The following PDE3B variants were observed in gnomAD, a reference collection of about 807,000 sequenced individuals.
PDE3B encodes the protein cGMP-inhibited 3',5'-cyclic phosphodiesterase 3B.
Under a neutral mutation model 116.8 loss-of-function variants are expected in PDE3B, and 66 were observed. The observed-to-expected ratio is 0.56, with a 90% confidence interval of 0.46 to 0.69. The LOEUF (loss-of-function observed/expected upper bound fraction) is 0.69. PDE3B is among the 30% of genes least tolerant of loss of function. The pLI, the probability that PDE3B is intolerant of heterozygous loss-of-function variation, is 0.00. For missense variants in PDE3B, 1,384 were observed against 1,368.1 expected, an observed-to-expected ratio of 1.01 and a Z score of -0.18; for synonymous variants, 595 against 533.6, an observed-to-expected ratio of 1.12 and a Z score of -1.59.
intron 7 of PDE3B, among the ~76,000 whole-genome samples, chr11:14,828,666 G>T (rs1193217628): frequency 6.6e-6 from 1 of 152,198 alleles, no homozygotes; most frequent in African/African-American, 2.4e-5. Context: ...AATAACAGAT[G>T]CTGGCGATGT....
intron 1 of PDE3B, among the ~76,000 whole-genome samples, chr11:14,687,422 A>G (rs1854908943): frequency 6.6e-6 from 1 of 152,186 alleles, no homozygotes; most frequent in Admixed American, 6.6e-5. Flanking sequence ...AAAGCTGAGA[A>G]ATATTTAAGT....
the PDE3B span, chr11:14,886,143 C>A: frequency 1.8e-6 from 1 of 545,102 alleles, no homozygotes; most frequent in South Asian, 2.0e-5. Flanking sequence ...ACAGTCTTAC[C>A]AACAGTATAA....
intron 1 of PDE3B, among the ~76,000 whole-genome samples, chr11:14,684,691 C>T (rs1854815651): frequency 6.6e-6 from 1 of 152,142 alleles, no homozygotes; most frequent in Admixed American, 6.5e-5. Flanking sequence ...AAGACACTTG[C>T]AGAGCAGCGT....
intron 1 of PDE3B, among the ~76,000 whole-genome samples, chr11:14,754,409 C>G (rs146425877): frequency 1.3e-5 from 2 of 152,102 alleles, no homozygotes; most frequent in African/African-American, 4.8e-5. Flanking sequence ...TATGTAAGCT[C>G]TCATGTGTAT....
At chr11:14,703,870 G>A (rs1476582942) in intron 1 of PDE3B, among the ~76,000 whole-genome samples, 1 of 151,490 alleles carries the variant, frequency 6.6e-6, no homozygotes, top group African/African-American at 2.4e-5. Context: ...GTCTGTTAGT[G>A]GTAAGTTCTT....
chr11:14,886,159 A>C, the PDE3B span: 1 of 514,474 alleles, frequency 1.9e-6, no homozygotes, highest in Non-Finnish European at 3.5e-6. Flanking sequence ...TATAATGAAA[A>C]GGGTACTGGA....
intron 4 of PDE3B, among the ~76,000 whole-genome samples, chr11:14,792,168 GC>G (rs1334999316): frequency 6.6e-6 from 1 of 152,054 alleles, no homozygotes; most frequent in East Asian, 1.9e-4. Context: ...TGACAGAGCT[GC>G]AGCCCTTACT....
intron 14 of PDE3B, among the ~76,000 whole-genome samples, chr11:14,866,293 C>G (rs1848044783): frequency 6.6e-6 from 1 of 152,206 alleles, no homozygotes; most frequent in Non-Finnish European, 1.5e-5. Flanking sequence ...CTGATATCCT[C>G]CCACTTATGA....
chr11:14,796,640 A>G (rs1858563967), intron 4 of PDE3B, among the ~76,000 whole-genome samples: 1 of 152,076 alleles, frequency 6.6e-6, no homozygotes, highest in African/African-American at 2.4e-5. Flanking sequence ...CATTTTTCAT[A>G]TGTTTGTTGG....
intron 1 of PDE3B, among the ~76,000 whole-genome samples, chr11:14,746,585 G>A (rs1856916605): frequency 1.3e-5 from 2 of 152,160 alleles, no homozygotes; most frequent in South Asian, 4.1e-4. Context: ...TTTAAAAGCT[G>A]AGGATATAAA....
At chr11:14,765,658 G>A (rs1446088551) in intron 1 of PDE3B, among the ~76,000 whole-genome samples, 1 of 151,286 alleles carries the variant, frequency 6.6e-6, no homozygotes, top group Non-Finnish European at 1.5e-5. Context: ...TAGCACAGAA[G>A]GAAAGAGGTA....
chr11:14,860,077 T>G (rs1430780049), intron 13 of PDE3B, among the ~76,000 whole-genome samples: 5 of 152,188 alleles, frequency 3.3e-5, no homozygotes, highest in African/African-American at 1.2e-4. Flanking sequence ...GTTGCTGTCA[T>G]GACATTAATG....
chr11:14,742,091 A>G (rs771909441), intron 1 of PDE3B, among the ~76,000 whole-genome samples: 1 of 151,806 alleles, frequency 6.6e-6, no homozygotes, highest in African/African-American at 2.4e-5. Context: ...CTTGAGGAGT[A>G]TCTTTGTGGT....
At chr11:14,810,009 T>A (rs891611908) in intron 5 of PDE3B, among the ~76,000 whole-genome samples, 2 of 152,238 alleles carry the variant, frequency 1.3e-5, no homozygotes, top group East Asian at 3.9e-4. Flanking sequence ...TGAATTTCCA[T>A]CTTACATATT....
intron 1 of PDE3B, among the ~76,000 whole-genome samples, chr11:14,696,568 G>A (rs1199606766): frequency 2.0e-5 from 3 of 151,996 alleles, no homozygotes; most frequent in Admixed American, 6.6e-5. Flanking sequence ...TATATATGTT[G>A]ACTGGCCATT....
the PDE3B span, among the ~76,000 whole-genome samples, chr11:14,894,502 G>A: frequency 6.6e-6 from 1 of 152,176 alleles, no homozygotes; most frequent in Non-Finnish European, 1.5e-5. Flanking sequence ...TTTATTTTCA[G>A]AAAGGATTAA....
chr11:14,774,476 G>A (rs1043808775), intron 2 of PDE3B: 7 of 152,078 alleles, frequency 4.6e-5, no homozygotes, highest in African/African-American at 1.7e-4. Flanking sequence ...TCTTTAAAAG[G>A]CCAGAGAGTA....
At position 14,852,022 on chromosome 11, in the gene PDE3B, GTTAC is replaced by G. The variant is rs544244751; in HGVS notation, c.2521-7015_2521-7012del. ...TGAATCAGAAATCACATAGGTAGAA[GTTAC>G]TTACTGTTCTAGTCCACTCTGCTGT... On this transcript the variant is annotated intron_variant, in intron 12 of 15. Transcript: ENST00000282096. Among the ~76,000 whole-genome samples the G allele has an allele frequency of 7.9e-5, 12 of 152,286 alleles. No individual in the cohort carries two copies. In the South Asian group the frequency reaches 2.3e-3, roughly 29 times the overall value.
At chr11:14,798,504 T>C (rs1019298475) in intron 4 of PDE3B, among the ~76,000 whole-genome samples, 6 of 152,222 alleles carry the variant, frequency 3.9e-5, no homozygotes, top group African/African-American at 1.4e-4. Flanking sequence ...TCAGAACGAA[T>C]GGTACTAGCT....
Sources: gnomAD v4.1 joint callset for allele counts (sites outside exome capture counted in the v4.1 genomes callset) on GRCh38, gnomAD v4.1.1 for gene constraint, MANE v1.5 for transcripts, NCBI Gene and HGNC (gene_info 2026-07-23, HGNC 2026-07-21) for gene names.